CYP2J2: variants seen among roughly 807,000 people sequenced by gnomAD.
The protein encoded by CYP2J2 is cytochrome P450 2J2.
In CYP2J2, 41 loss-of-function variants were observed where a neutral mutation model predicts 48.8. The ratio of observed to expected loss-of-function variants is 0.84; its 90% CI spans 0.66 to 1.09. The LOEUF (loss-of-function observed/expected upper bound fraction) is 1.09, where lower values mean the gene tolerates loss of function less well. CYP2J2 is among the 50% of genes least tolerant of loss of function. The probability of loss-of-function intolerance (pLI) is 0.00; values close to 1 mark genes in which losing one functional copy is unlikely to be tolerated. For synonymous variants in CYP2J2, 221 were observed against 227.1 expected, an observed-to-expected ratio of 0.97 and a Z score of 0.24; for missense variants, 644 against 617.3, an observed-to-expected ratio of 1.04 and a Z score of -0.46.
chr1:59,899,810 GT>G (rs1644301350), intron 8 of CYP2J2, among the ~76,000 whole-genome samples: 1 of 152,078 alleles, frequency 6.6e-6, no homozygotes, highest in Admixed American at 6.5e-5. Context: ...GTTTTGTTTT[GT>G]TTTGGTTTCT....
chr1:59,901,255 AC>A, intron 7 of CYP2J2, 152 bp from the exon 8 acceptor site: 1 of 646,402 alleles, frequency 1.5e-6, no homozygotes, highest in Non-Finnish European at 2.5e-6. Context: ...GTGTCCCCCA[AC>A]CCAGGACCCT....
At chr1:59,933,847 C>T in the CYP2J2 span, among the ~76,000 whole-genome samples, 1 of 152,062 alleles carries the variant, frequency 6.6e-6, no homozygotes, top group Non-Finnish European at 1.5e-5. Context: ...ATATCAAAAT[C>T]CTCTTGACTT....
chr1:59,957,554 C>T, the CYP2J2 span, among the ~76,000 whole-genome samples: 3 of 152,068 alleles, frequency 2.0e-5, no homozygotes, highest in Admixed American at 6.6e-5. Flanking sequence ...TCAGTAAAGG[C>T]CTGTAGTGAA....
the CYP2J2 span, among the ~76,000 whole-genome samples, chr1:59,936,295 A>G: frequency 1.3e-5 from 2 of 152,152 alleles, no homozygotes; most frequent in African/African-American, 4.8e-5. Context: ...AAAAAATCAA[A>G]CCCATCTGTG....
At chr1:59,908,321 C>G (rs900157569) in intron 5 of CYP2J2, among the ~76,000 whole-genome samples, 1 of 152,190 alleles carries the variant, frequency 6.6e-6, no homozygotes, top group East Asian at 1.9e-4. Context: ...GTTTTATATA[C>G]TGGAAATAGG....
intron 8 of CYP2J2, among the ~76,000 whole-genome samples, chr1:59,900,208 A>T (rs1644304972): frequency 6.6e-6 from 1 of 152,252 alleles, no homozygotes. Flanking sequence ...CCACTGACTG[A>T]TGCCCATGTG....
At chr1:59,905,404 T>C (rs1339298197) in intron 6 of CYP2J2, among the ~76,000 whole-genome samples, 4 of 152,224 alleles carry the variant, frequency 2.6e-5, no homozygotes, top group Non-Finnish European at 5.9e-5. Context: ...GGCAGCTCTC[T>C]GGAGTCTCTT....
the CYP2J2 span, among the ~76,000 whole-genome samples, chr1:59,959,080 G>A: frequency 1.4e-4 from 21 of 152,020 alleles, no homozygotes; most frequent in Admixed American, 4.6e-4. Flanking sequence ...CTCAGATCCC[G>A]CTCACCTTCT....
the CYP2J2 span, among the ~76,000 whole-genome samples, chr1:59,961,205 T>A: frequency 6.6e-6 from 1 of 152,074 alleles, no homozygotes; most frequent in African/African-American, 2.4e-5. Context: ...CAAGACAACA[T>A]ACAGAATAAA....
At chr1:59,925,040 A>G (rs918634425) in intron 1 of CYP2J2, among the ~76,000 whole-genome samples, 1 of 152,174 alleles carries the variant, frequency 6.6e-6, no homozygotes, top group Non-Finnish European at 1.5e-5. Flanking sequence ...GGCAAATAAA[A>G]TTATGAAGAA....
the CYP2J2 span, among the ~76,000 whole-genome samples, chr1:59,944,446 C>A: frequency 6.6e-6 from 1 of 152,194 alleles, no homozygotes; most frequent in Non-Finnish European, 1.5e-5. Context: ...TGGTCTTGAA[C>A]TGCTGGACTC....
At chr1:59,926,493 A>G in intron 1 of CYP2J2, 44 bp downstream of exon 1, 1 of 1,532,892 alleles carries the variant, frequency 6.5e-7, no homozygotes, top group Non-Finnish European at 9.0e-7. Flanking sequence ...GCTGCAGAAC[A>G]GAGTTAGGGT....
chr1:59,967,357 C>A, the CYP2J2 span, among the ~76,000 whole-genome samples: 1 of 152,206 alleles, frequency 6.6e-6, no homozygotes, highest in Non-Finnish European at 1.5e-5. Flanking sequence ...AAAGCATGAG[C>A]CTGTCGGCTG....
At chr1:59,943,767 A>C in the CYP2J2 span, among the ~76,000 whole-genome samples, 1 of 152,168 alleles carries the variant, frequency 6.6e-6, no homozygotes. Context: ...GATCTTCAAA[A>C]AGAAGGGATT....
In CYP2J2 at chr1:59,905,074, G is replaced by A; in HGVS notation, c.1004-16C>T. ...TGTACTTTTTCTGGTAAAGAGGGAA[G>A]GGTTCTATTATTTTTTAAACTTTTA... On this transcript the variant is annotated splice_polypyrimidine_tract_variant and intron_variant, in intron 6 of 8. Transcript: ENST00000371204. The A allele has an allele frequency of 3.1e-6, 5 of 1,605,764 alleles. No individual in the cohort carries two copies. The highest frequency in any genetic ancestry group is 4.2e-6 in the Non-Finnish European group (5 of 1,178,112).
At chr1:59,922,153 T>C (rs1557429892) in intron 1 of CYP2J2, among the ~76,000 whole-genome samples, 1 of 152,226 alleles carries the variant, frequency 6.6e-6, no homozygotes, top group Non-Finnish European at 1.5e-5. Flanking sequence ...GAAAGAGCCC[T>C]GTTGCACTGC....
At chr1:59,907,997 G>A in intron 5 of CYP2J2, 70 bp from the exon 6 acceptor site, 16 of 1,480,384 alleles carry the variant, frequency 1.1e-5, no homozygotes, top group Non-Finnish European at 1.4e-5. Context: ...TAACACAAAG[G>A]GGCTTCATCC....
At chr1:59,922,857 T>C (rs1359386604) in intron 1 of CYP2J2, among the ~76,000 whole-genome samples, 3 of 152,178 alleles carry the variant, frequency 2.0e-5, no homozygotes, top group Admixed American at 6.5e-5. Context: ...ATGAAAAACA[T>C]TTGACCCTTC....
At chr1:59,967,243 G>C in the CYP2J2 span, among the ~76,000 whole-genome samples, 1 of 151,972 alleles carries the variant, frequency 6.6e-6, no homozygotes, top group Non-Finnish European at 1.5e-5. Context: ...AATCACAAGG[G>C]GTTTATGCAA....
Sources: allele counts gnomAD v4.1 joint callset (sites outside exome capture counted in the v4.1 genomes callset), GRCh38; gene constraint gnomAD v4.1.1; transcripts MANE v1.5; gene names NCBI Gene and HGNC (gene_info 2026-07-23, HGNC 2026-07-21).